FBXL15: variants seen among roughly 807,000 people sequenced by gnomAD.
FBXL15 encodes F-box/LRR-repeat protein 15.
In FBXL15, 19 loss-of-function variants were observed where a neutral mutation model predicts 23.6. The observed-to-expected ratio is 0.81, with a 90% CI of 0.56 to 1.18. FBXL15 has a LOEUF of 1.18. Among genes scored for constraint, FBXL15 ranks in the 50% most tolerant of loss-of-function variants. The probability of loss-of-function intolerance (pLI) is 0.00; values close to 1 mark genes in which losing one functional copy is unlikely to be tolerated. For missense variants in FBXL15, 385 were observed against 425.4 expected, an observed-to-expected ratio of 0.91 and a Z score of 0.83; for synonymous variants, 224 against 207.7, an observed-to-expected ratio of 1.08 and a Z score of -0.67.
intron 3 of FBXL15, 28 bp downstream of exon 3, chr10:102,422,320 G>A (rs750086104): frequency 6.7e-6 from 10 of 1,487,776 alleles, no homozygotes; most frequent in Non-Finnish European, 8.9e-6. Context: ...GGCGGGAGGA[G>A]GGCAGTCACT....
intron 1 of FBXL15, 34 bp from the exon 2 acceptor site, chr10:102,421,320 C>T: frequency 1.3e-6 from 2 of 1,552,360 alleles, no homozygotes; most frequent in Admixed American, 1.9e-5. Context: ...ATAGTGGCCC[C>T]GGGACGCCAG....
Position 102,422,916 on chromosome 10 carries a change from G to A in FBXL15, c.826G>A (p.Glu276Lys). The change falls in exon 4 of 4, where the codon GAG (glutamate) becomes AAG (lysine). Residue 276 changes from glutamate (E) to lysine (K), a missense_variant. By Grantham distance (56) the Glu-to-Lys change is moderately conservative. This residue lies in a region of FBXL15 where 255 missense variants were observed against 330.2 expected (regional missense o/e 0.77). Coordinates refer to ENST00000369956, the MANE Select transcript of FBXL15 (RefSeq NM_024326.4). Reference sequence around the variant, plus strand: ...GAAGCGCGGCGTGGACATCGACGTGGAGCCGCCGCTGCACCAGGCCCTGGT... The same window carrying A: ...GAAGCGCGGCGTGGACATCGACGTGAAGCCGCCGCTGCACCAGGCCCTGGT... The part of the protein sequence containing the change: ...LRKRGVDIDV[E>K]PPLHQALVLL... 6.2e-7 allele frequency: 1 copy of A among 1,607,630 alleles called. No homozygotes were observed. Among genetic ancestry groups the A allele is most frequent in the South Asian group, 1.1e-5 (1 of 90,302 alleles).
intron 2 of FBXL15, 131 bp downstream of exon 2, chr10:102,421,638 A>G (rs1296436335): frequency 6.3e-6 from 9 of 1,422,472 alleles, no homozygotes; most frequent in Non-Finnish European, 7.4e-6. Context: ...CCACGCACCA[A>G]AGGGCAAATA....
rs2061572002 is a variant in FBXL15 at position 102,422,090 on chromosome 10, C to T, written c.511C>T (p.Leu171=). Residue 171 remains leucine, a synonymous_variant, in exon 3 of 4, where the codon CTG becomes TTG. Coordinates refer to ENST00000369956, the MANE Select transcript of FBXL15 (RefSeq NM_024326.4). The stretch of plus-strand genomic sequence containing the variant: ...TGATCGCTGCCCGGCCCTGGAGGAG[C>T]TGGATCTCACCGCCTGCCGCCAGCT... ...LADRCPALEE[L]DLTACRQLKD... 1.3e-6 allele frequency: 2 copies of T among 1,574,422 alleles called. No individual in the cohort carries two copies. Among genetic ancestry groups the T allele is most frequent in the African/African-American group, 1.3e-5 (1 of 74,192 alleles).
chr10:102,421,869 G>A lies in FBXL15; in HGVS notation c.290G>A (p.Cys97Tyr), dbSNP rs1165689508. Reference sequence around the variant, plus strand: ...CTGCAGGAGCTGGCACTGGCGCCGTGTCACGAATGGCTGTCAGACGAGGAC... The same window carrying A: ...CTGCAGGAGCTGGCACTGGCGCCGTATCACGAATGGCTGTCAGACGAGGAC... ...EGLQELALAP[C>Y]HEWLSDEDLV... Residue 97 changes from cysteine (C) to tyrosine (Y), a missense_variant, in exon 3 of 4, where the codon TGT (cysteine) becomes TAT (tyrosine). By Grantham distance (194) the Cys-to-Tyr change is radical. Transcript: ENST00000369956. 1.2e-6 allele frequency: 2 copies of A among 1,603,680 alleles called. No individual in the cohort carries two copies. The highest frequency in any genetic ancestry group is 1.7e-6 in the Non-Finnish European group (2 of 1,178,568).
In FBXL15 at chr10:102,422,256, TCACC is replaced by T; in HGVS notation, c.678_681del (p.Thr227AlafsTer36). On this transcript the variant is annotated frameshift_variant, in exon 3 of 4. Transcript: ENST00000369956. LOFTEE classifies it high-confidence loss of function. ...TGCCCAGAACTCCACCACCTTGACC[TCACC>T]GGCTGCCTCCGCGTCGGAAGCGACG... is the stretch of plus-strand genomic sequence containing the variant. 6.7e-7 allele frequency: 1 copy of T among 1,494,714 alleles called. No individual in the cohort carries two copies. Among genetic ancestry groups the T allele is most frequent in the Non-Finnish European group, 8.9e-7 (1 of 1,122,728 alleles). The allele number at this position is 1,494,714 out of a possible 1,614,324, so 92.6% of individuals were successfully genotyped here.
Position 102,422,302 on chromosome 10 carries a change from C to T in FBXL15, c.713+10C>T. 1 of 1,494,244 alleles carries T rather than the reference C, an allele frequency of 6.7e-7. No homozygotes were observed. The highest frequency in any genetic ancestry group is 1.4e-5 in the South Asian group (1 of 72,086). 92.6% of individuals were successfully genotyped at this position (1,494,244 alleles called of 1,614,324 possible). ...GAAGCGACGGTGTCAGGTGCCTGGGCCTGATAGGGCGGGAGGAGGGCAGTC... is the reference window on the plus strand; with the variant it reads ...GAAGCGACGGTGTCAGGTGCCTGGGTCTGATAGGGCGGGAGGAGGGCAGTC... On this transcript the variant is annotated intron_variant, in intron 3 of 3. Transcript: ENST00000369956.
chr10:102,422,042 G>A lies in FBXL15; in HGVS notation c.463G>A (p.Gly155Arg), dbSNP rs113633924. The change falls in exon 3 of 4, where the codon GGG (glycine) becomes AGG (arginine). Residue 155 changes from glycine to arginine, a missense_variant. Coordinates refer to ENST00000369956, the MANE Select transcript of FBXL15 (RefSeq NM_024326.4). ...GCTCGCGCACTGTGACTGGGTGGAC[G>A]GGCTGGCGCTGCGCGGCCTCGCTGA... ...LSLAHCDWVDGLALRGLADRC... is the reference protein window; with the variant it reads ...LSLAHCDWVDRLALRGLADRC... The A allele has an allele frequency of 1.0e-4, 160 of 1,593,644 alleles. No homozygotes were observed. Among genetic ancestry groups the A allele is most frequent in the Non-Finnish European group, 1.3e-4 (153 of 1,175,530 alleles).
chr10:102,421,244 G>GCTGGGT (rs2061557597), intron 1 of FBXL15, 62 bp downstream of exon 1: 1 of 1,584,248 alleles, frequency 6.3e-7, no homozygotes, highest in South Asian at 1.1e-5. Flanking sequence ...CCGAGCCGGG[G>GCTGGGT]CTGGGTCTGG....
At chr10:102,422,777 C>T in intron 3 of FBXL15, 27 bp from the exon 4 acceptor site, 2 of 1,588,842 alleles carry the variant, frequency 1.3e-6, no homozygotes, top group Non-Finnish European at 1.7e-6. Flanking sequence ...GCCTCATGTC[C>T]CTAGCCTCAC....
In FBXL15 at chr10:102,421,136, C is replaced by A; in HGVS notation, c.7C>A (p.Pro3Thr). The A allele has an allele frequency of 6.2e-7, 1 of 1,610,066 alleles. No individual in the cohort carries two copies. Among genetic ancestry groups the A allele is most frequent in the Non-Finnish European group, 8.5e-7 (1 of 1,178,148 alleles). ME[P>T]PMEPSGGEQE... ...CACGCGCAATAGACAGCCGATGGAG[C>A]CACCGATGGAGCCGTCCGGAGGGGA... Residue 3 changes from proline (P) to threonine (T), a missense_variant, in exon 1 of 4, where the codon CCA (proline) becomes ACA (threonine). Around this residue, in one of 2 missense-constraint regions of FBXL15, gnomAD observed 130 missense variants for 95.1 expected, o/e 1.37. Coordinates refer to ENST00000369956, the MANE Select transcript of FBXL15 (RefSeq NM_024326.4).
At chr10:102,422,514 A>G (rs926718213) in intron 3 of FBXL15, among the ~76,000 whole-genome samples, 14 of 152,210 alleles carry the variant, frequency 9.2e-5, no homozygotes, top group Non-Finnish European at 2.1e-4. Context: ...GATTTCACAT[A>G]GAAAGTCGAC....
At position 102,422,023 on chromosome 10, in the gene FBXL15, G is replaced by T; in HGVS notation, c.444G>T (p.Ala148=). 2 of 1,595,540 alleles carry T rather than the reference G, an allele frequency of 1.3e-6. No individual in the cohort carries two copies. The highest frequency in any genetic ancestry group is 4.5e-5 in the East Asian group (2 of 44,644). ...GCPRLQRLSL[A]HCDWVDGLAL... is the part of the protein sequence containing the mutation. ...CACGCCTGCAGCGCCTGTCGCTCGC[G>T]CACTGTGACTGGGTGGACGGGCTGG... The change falls in exon 3 of 4, where the codon GCG becomes GCT. Residue 148 remains alanine (A), a synonymous_variant. Coordinates refer to ENST00000369956, the MANE Select transcript of FBXL15 (RefSeq NM_024326.4).
Position 102,421,895 on chromosome 10 carries a change from C to G in FBXL15, c.316C>G (p.Leu106Val), listed in dbSNP as rs1272033936. 1.9e-6 allele frequency: 3 copies of G among 1,606,220 alleles called. No individual in the cohort carries two copies. Among genetic ancestry groups the G allele is most frequent in the Non-Finnish European group, 2.5e-6 (3 of 1,179,324 alleles). Residue 106 changes from leucine (L) to valine (V), a missense_variant, in exon 3 of 4, where the codon CTG becomes GTG. Coordinates refer to ENST00000369956, the MANE Select transcript of FBXL15 (RefSeq NM_024326.4). ...TCACGAATGGCTGTCAGACGAGGAC[C>G]TGGTGCCGGTGCTGGCGCGGAATCC... ...PCHEWLSDEDLVPVLARNPQL... is the reference protein window; with the variant it reads ...PCHEWLSDEDVVPVLARNPQL...
At chr10:102,421,234 C>G in intron 1 of FBXL15, 52 bp downstream of exon 1, 10 of 1,588,476 alleles carry the variant, frequency 6.3e-6, no homozygotes, top group Non-Finnish European at 8.6e-6. Context: ...GGGAGGGGAG[C>G]CGAGCCGGGG....
At chr10:102,421,610 G>T in intron 2 of FBXL15, 103 bp downstream of exon 2, 1 of 1,424,606 alleles carries the variant, frequency 7.0e-7, no homozygotes, top group Non-Finnish European at 9.2e-7. Context: ...TGGGCCGCCG[G>T]GGCTGCCCGG....
rs2061574048 is a variant in FBXL15, at chr10:102,422,286, GTGT to G, written c.708_710del (p.Val237del). 1 of 1,497,716 alleles carries G rather than the reference GTGT, an allele frequency of 6.7e-7. No individual in the cohort carries two copies. Among genetic ancestry groups the G allele is most frequent in the African/African-American group, 1.4e-5 (1 of 70,476 alleles). The allele number at this position is 1,497,716 out of a possible 1,614,324, so 92.8% of individuals were successfully genotyped here. On this transcript the variant is annotated inframe_deletion, in exon 3 of 4. Coordinates refer to ENST00000369956, the MANE Select transcript of FBXL15 (RefSeq NM_024326.4). ...GGCTGCCTCCGCGTCGGAAGCGACG[GTGT>G]CAGGTGCCTGGGCCTGATAGGGCGG... is the stretch of plus-strand genomic sequence containing the variant.
chr10:102,421,285 C>A, intron 1 of FBXL15, 69 bp from the exon 2 acceptor site: 1 of 1,561,678 alleles, frequency 6.4e-7, no homozygotes, highest in African/African-American at 1.4e-5. Flanking sequence ...GGCGCAGGAA[C>A]ATAACGGAGG....
At position 102,422,082 on chromosome 10, in the gene FBXL15, TGGAG is replaced by T; in HGVS notation, c.505_508del (p.Glu169SerfsTer94). Reference sequence around the variant, plus strand: ...GGCCTCGCTGATCGCTGCCCGGCCCTGGAGGAGCTGGATCTCACCGCCTGCCGCC... The same window carrying T: ...GGCCTCGCTGATCGCTGCCCGGCCCTGAGCTGGATCTCACCGCCTGCCGCC... On this transcript the variant is annotated frameshift_variant, in exon 3 of 4. Coordinates refer to ENST00000369956, the MANE Select transcript of FBXL15 (RefSeq NM_024326.4). LOFTEE classifies it high-confidence loss of function. 1 of 1,581,596 alleles carries T rather than the reference TGGAG, an allele frequency of 6.3e-7. No homozygotes were observed. The highest frequency in any genetic ancestry group is 8.6e-7 in the Non-Finnish European group (1 of 1,167,590).
Sources: allele counts gnomAD v4.1 joint callset (sites outside exome capture counted in the v4.1 genomes callset), GRCh38; gene constraint gnomAD v4.1.1; regional missense constraint gnomAD v4.1.1; transcripts MANE v1.5; gene names NCBI Gene and HGNC (gene_info 2026-07-23, HGNC 2026-07-21).